Variants in SPEG observed in about 807,000 individuals in gnomAD.
SPEG encodes striated muscle preferentially expressed protein kinase.
In SPEG, 114 loss-of-function variants were observed where a neutral mutation model predicts 300.4. That is an observed-to-expected ratio of 0.38 (90% CI 0.33 to 0.44). SPEG has a LOEUF of 0.44. Ranked by LOEUF, SPEG falls within the 20% of genes least tolerant of loss-of-function variation. The pLI, the probability that SPEG is intolerant of heterozygous loss-of-function variation, is 1.00. For missense variants in SPEG, 4,201 were observed against 4,586.2 expected (o/e 0.92, Z 2.43); for synonymous variants, 1,964 against 2,018.9 (o/e 0.97, Z 0.73).
At chr2:219,466,711 C>G (rs1227025022) in intron 9 of SPEG, 2 of 1,000,982 alleles carry the variant, frequency 2.0e-6, no homozygotes, top group Non-Finnish European at 2.4e-6. Context: ...TTGGGGCCCC[C>G]TCCTTCTCTG....
rs201629381 is a variant in SPEG at position 219,492,671 on chromosome 2, C to T, written c.9689C>T (p.Thr3230Met). ...TACCTGATGAAGCTGCGCCGCCAGA[C>T]GCTCACCTTCACCACCAACCGGCTC... is the stretch of plus-strand genomic sequence containing the variant. ...DAYLMKLRRQ[T>M]LTFTTNRLKE... is the part of the protein sequence containing the mutation. Residue 3230 changes from threonine (T) to methionine (M), a missense_variant, in exon 41 of 41, where the codon ACG (threonine) becomes ATG (methionine). By Grantham distance (81) the Thr-to-Met change is moderately conservative. Around this residue, in one of 4 missense-constraint regions of SPEG, gnomAD observed 318 missense variants for 429.5 expected, o/e 0.74. Transcript: ENST00000312358. 70 of 1,610,562 alleles carry T rather than the reference C, an allele frequency of 4.3e-5. No homozygotes were observed. The highest frequency in any genetic ancestry group is 3.3e-4 in the East Asian group (15 of 44,898).
In SPEG at chr2:219,458,396, C is replaced by CTT. The variant is rs201199933; in HGVS notation, c.2441-3474_2441-3473dup. Among the ~76,000 whole-genome samples, 89 of 145,312 alleles carry CTT rather than the reference C, an allele frequency of 6.1e-4. No homozygotes were observed. The highest frequency in any genetic ancestry group is 1.9e-3 in the African/African-American group (77 of 39,904). ...TGAGTATGTGTTAGAAATGCAGTTT[C>CTT]TTTTTTTTTTTTTCCCAATAAGCGT... On this transcript the variant is annotated intron_variant, in intron 6 of 40. Coordinates refer to ENST00000312358, the MANE Select transcript of SPEG (RefSeq NM_005876.5). The surrounding 1 kb of genome is among the most constrained non-coding windows in gnomAD (Gnocchi z 4.2).
At position 219,490,755 on chromosome 2, in the gene SPEG, G is replaced by T; in HGVS notation, c.9184G>T (p.Val3062Leu). 1 of 1,614,084 alleles carries T rather than the reference G, an allele frequency of 6.2e-7. No individual in the cohort carries two copies. The highest frequency in any genetic ancestry group is 8.5e-7 in the Non-Finnish European group (1 of 1,180,018). Reference protein sequence around the residue: ...SDRFRYSEDDVATYMVQLLQG... With the variant: ...SDRFRYSEDDLATYMVQLLQG... ...CAGGTTCCGGTATTCTGAGGATGACGTGGCCACTTACATGGTGCAGCTGCT... is the reference window on the plus strand; with the variant it reads ...CAGGTTCCGGTATTCTGAGGATGACTTGGCCACTTACATGGTGCAGCTGCT... The change falls in exon 38 of 41, where the codon GTG becomes TTG. Residue 3062 changes from valine to leucine, a missense_variant. Physicochemically the swap from Val to Leu is conservative, Grantham distance 32. Coordinates refer to ENST00000312358, the MANE Select transcript of SPEG (RefSeq NM_005876.5).
Position 219,434,991 on chromosome 2 carries a change from G to C in SPEG, c.14G>C (p.Arg5Pro), listed in dbSNP as rs576016632. Residue 5 changes from arginine (R) to proline (P), a missense_variant, in exon 1 of 41, where the codon CGG becomes CCG. Arg to Pro is a moderately radical substitution (Grantham distance 103). This residue lies in a region of SPEG where 1,258 missense variants were observed against 1,293.9 expected (regional missense o/e 0.97). Transcript: ENST00000312358. ...CTCTCAGTGGCCATGCAGAAAGCCCGGGGCACGCGAGGCGAGGATGCGGGC... is the reference window on the plus strand; with the variant it reads ...CTCTCAGTGGCCATGCAGAAAGCCCCGGGCACGCGAGGCGAGGATGCGGGC... The part of the protein sequence containing the change: MQKA[R>P]GTRGEDAGTR... The C allele has an allele frequency of 1.3e-6, 2 of 1,505,746 alleles. No homozygotes were observed. The highest frequency in any genetic ancestry group is 1.8e-6 in the Non-Finnish European group (2 of 1,135,116). 93.3% of individuals were successfully genotyped at this position (1,505,746 alleles called of 1,614,324 possible).
Position 219,445,416 on chromosome 2 carries a change from T to G in SPEG, c.815+255T>G. On this transcript the variant is annotated intron_variant, in intron 3 of 40. Coordinates refer to ENST00000312358, the MANE Select transcript of SPEG (RefSeq NM_005876.5). The surrounding 1 kb of genome is among the most constrained non-coding windows in gnomAD (Gnocchi z 6.1). ...ATGGTCTCCTGGACCCTGCTGTCCC[T>G]TCCTTGTCTCCTCCAAGATCTCCAG... is the stretch of plus-strand genomic sequence containing the variant. 1.9e-6 allele frequency: 1 copy of G among 524,366 alleles called. No homozygotes were observed. The highest frequency in any genetic ancestry group is 3.4e-6 in the Non-Finnish European group (1 of 294,928). 32.5% of individuals were successfully genotyped at this position (524,366 alleles called of 1,614,324 possible).
intron 9 of SPEG, chr2:219,466,930 C>A: frequency 8.9e-7 from 1 of 1,124,990 alleles, no homozygotes; most frequent in Non-Finnish European, 1.1e-6. Flanking sequence ...TCAGTTTCCC[C>A]TCCCTCAGTT....
At position 219,488,581 on chromosome 2, in the gene SPEG, G is replaced by T. The variant is rs748466576; in HGVS notation, c.7942G>T (p.Gly2648Cys). Reference sequence around the variant, plus strand: ...GCAGCTGCTCAGCATCCCCCGGGCGGGCAAGCGGCACGCCGGTCTCTATGA... The same window carrying T: ...GCAGCTGCTCAGCATCCCCCGGGCGTGCAAGCGGCACGCCGGTCTCTATGA... ...GRQLLSIPRA[G>C]KRHAGLYECS... Residue 2648 changes from glycine (G) to cysteine (C), a missense_variant, in exon 33 of 41, where the codon GGC becomes TGC. Around this residue, in one of 4 missense-constraint regions of SPEG, gnomAD observed 1,578 missense variants for 1,506.0 expected, o/e 1.05. Coordinates refer to ENST00000312358, the MANE Select transcript of SPEG (RefSeq NM_005876.5). The T allele has an allele frequency of 3.1e-6, 5 of 1,612,288 alleles. No homozygotes were observed. In the Admixed American group the frequency reaches 8.3e-5, roughly 27 times the overall value.
At position 219,441,962 on chromosome 2, in the gene SPEG, C is replaced by G; in HGVS notation, c.389-2691C>G. 4 of 323,814 alleles carry G rather than the reference C, an allele frequency of 1.2e-5. 1 individual carries two copies. The highest frequency in any genetic ancestry group is 1.1e-5 in the Non-Finnish European group (2 of 189,072). 20.1% of individuals were successfully genotyped at this position (323,814 alleles called of 1,614,324 possible). On this transcript the variant is annotated intron_variant, in intron 1 of 40. Coordinates refer to ENST00000312358, the MANE Select transcript of SPEG (RefSeq NM_005876.5). The stretch of plus-strand genomic sequence containing the variant: ...ACCCGCGCCGGCTCCCGCCCGCTCC[C>G]CAGCTCGCCCCCGGCCCCGCCTCCG...
At chr2:219,474,552 A>G (rs1229355515) in intron 18 of SPEG, among the ~76,000 whole-genome samples, 1 of 152,228 alleles carries the variant, frequency 6.6e-6, no homozygotes, top group Non-Finnish European at 1.5e-5. Flanking sequence ...TAACTGGCCC[A>G]AGTTCACAGA....
chr2:219,482,924 G>T, intron 29 of SPEG, 72 bp downstream of exon 29: 2 of 1,506,480 alleles, frequency 1.3e-6, no homozygotes, highest in Non-Finnish European at 1.8e-6. Context: ...CCCCTCCCGT[G>T]GGCCTTCATC....
At chr2:219,442,037 C>G (rs1482938928) in intron 1 of SPEG, 6 of 1,140,146 alleles carry the variant, frequency 5.3e-6, no homozygotes, top group Non-Finnish European at 6.6e-6. Flanking sequence ...GCCGGCCCGG[C>G]CCCCTCCCCC....
chr2:219,481,648 G>T lies in SPEG; in HGVS notation c.5533G>T (p.Ala1845Ser). Residue 1845 changes from alanine to serine, a missense_variant, in exon 28 of 41, where the codon GCA (alanine) becomes TCA (serine). Ala to Ser is a moderately conservative substitution (Grantham distance 99). Coordinates refer to ENST00000312358, the MANE Select transcript of SPEG (RefSeq NM_005876.5). This position sits in a 1 kb window ranked among gnomAD's most constrained non-coding sequence, Gnocchi z 5.4. ...VLVQDRLRPT[A>S]EETLEHPWFK... ...CTCATTCATTCACAGGAGACCTACC[G>T]CAGAAGAGACCCTAGAACATCCTTG... 1 of 1,614,070 alleles carries T rather than the reference G, an allele frequency of 6.2e-7. No homozygotes were observed. Among genetic ancestry groups the T allele is most frequent in the South Asian group, 1.1e-5 (1 of 91,074 alleles).
chr2:219,460,985 C>T (rs1690630395), intron 6 of SPEG: 2 of 984,850 alleles, frequency 2.0e-6, no homozygotes, highest in Non-Finnish European at 1.2e-6. Context: ...GGTCTGTGTG[C>T]AGAGCCTCGG....
At position 219,473,753 on chromosome 2, in the gene SPEG, C is replaced by A. The variant is rs565767040; in HGVS notation, c.4297C>A (p.Arg1433=). The A allele has an allele frequency of 8.7e-6, 14 of 1,613,644 alleles. No individual in the cohort carries two copies. The African/African-American group carries it at 1.9e-4, about 22-fold the overall frequency. Residue 1433 remains arginine (R), a synonymous_variant, in exon 18 of 41, where the codon CGG becomes AGG. Coordinates refer to ENST00000312358, the MANE Select transcript of SPEG (RefSeq NM_005876.5). This position sits in a 1 kb window ranked among gnomAD's most constrained non-coding sequence, Gnocchi z 4.6. ...CTGCCGAGGGGCCCTCCTAGAGGCA[C>A]GGGCCGGTGTGTACGAGCTGAGCCA... is the stretch of plus-strand genomic sequence containing the variant. The part of the protein sequence containing the change: ...RSCRGALLEA[R]AGVYELSQPD...
At chr2:219,440,632 G>A (rs972478072) in intron 1 of SPEG, among the ~76,000 whole-genome samples, 3 of 151,710 alleles carry the variant, frequency 2.0e-5, no homozygotes, top group Admixed American at 6.6e-5. Context: ...TGTCACCCAG[G>A]TTGGAGTACA....
At chr2:219,476,803 C>A in intron 18 of SPEG, 67 bp from the exon 19 acceptor site, 2 of 1,268,162 alleles carry the variant, frequency 1.6e-6, no homozygotes, top group Non-Finnish European at 2.3e-6. Flanking sequence ...TTGGGAGGGG[C>A]TGAGGAGGCA....
At chr2:219,466,023 C>T (rs781248506) in intron 9 of SPEG, 3 of 1,591,370 alleles carry the variant, frequency 1.9e-6, no homozygotes, top group Non-Finnish European at 2.6e-6. Flanking sequence ...CACTAACCTG[C>T]CGCTTGCTGA....
intron 6 of SPEG, among the ~76,000 whole-genome samples, chr2:219,456,369 G>A (rs531296209): frequency 1.3e-5 from 2 of 152,208 alleles, no homozygotes; most frequent in African/African-American, 2.4e-5. Flanking sequence ...GGCCCCCATC[G>A]TCAGTCCTCG....
intron 1 of SPEG, chr2:219,437,173 G>A (rs2125193780): frequency 6.6e-6 from 1 of 152,368 alleles, no homozygotes; most frequent in South Asian, 2.1e-4. Context: ...TGGTTCTGGG[G>A]GCCTTGTACT....
Sources: allele counts gnomAD v4.1 joint callset (sites outside exome capture counted in the v4.1 genomes callset), GRCh38; gene constraint gnomAD v4.1.1; regional missense constraint gnomAD v4.1.1; non-coding constraint Gnocchi (gnomAD v3.1); transcripts MANE v1.5; gene names NCBI Gene and HGNC (gene_info 2026-07-23, HGNC 2026-07-21).